Variants in EEPD1 observed in about 807,000 individuals in gnomAD.
EEPD1 encodes the protein endonuclease/exonuclease/phosphatase family domain containing 1.
EEPD1 carries 17 observed loss-of-function variants against 46.3 expected under a neutral mutation model. The observed-to-expected ratio is 0.37, with a 90% CI of 0.25 to 0.55. The LOEUF is 0.55. EEPD1 is among the 20% of genes least tolerant of loss of function. EEPD1 has a pLI of 0.83. For synonymous variants in EEPD1, 313 were observed against 315.6 expected (o/e 0.99, Z 0.09); for missense variants, 673 against 745.6 (o/e 0.90, Z 1.13).
chr7:36,290,190 T>C (rs1302820643), intron 6 of EEPD1, among the ~76,000 whole-genome samples: 1 of 152,160 alleles, frequency 6.6e-6, no homozygotes, highest in Non-Finnish European at 1.5e-5. Context: ...GCTCATAACT[T>C]CTTTGACAGC....
At chr7:36,240,634 A>T (rs1300822085) in intron 3 of EEPD1, among the ~76,000 whole-genome samples, 1 of 152,236 alleles carries the variant, frequency 6.6e-6, no homozygotes, top group Non-Finnish European at 1.5e-5. Flanking sequence ...GCAACATTGG[A>T]TGTGGATAGT....
At chr7:36,201,890 G>C (rs1343386227) in intron 2 of EEPD1, among the ~76,000 whole-genome samples, 1 of 152,172 alleles carries the variant, frequency 6.6e-6, no homozygotes, top group Non-Finnish European at 1.5e-5. Context: ...CTGTCTTTTT[G>C]TGAGTTCTGG....
intron 6 of EEPD1, among the ~76,000 whole-genome samples, chr7:36,293,303 C>G (rs536814285): frequency 6.6e-6 from 1 of 152,066 alleles, no homozygotes; most frequent in African/African-American, 2.4e-5. Context: ...GTTAACAGTT[C>G]GAGGTACCCG....
intron 2 of EEPD1, among the ~76,000 whole-genome samples, chr7:36,167,266 C>G (rs4723486): frequency 0.3 from 46,129 of 151,986 alleles, 7,479 homozygotes; most frequent in African/African-American, 0.43. Flanking sequence ...CTGACAAGAT[C>G]ATTTAAGAAA....
chr7:36,154,105 T>G lies in EEPD1; in HGVS notation c.-192-28T>G. On this transcript the variant is annotated intron_variant, in intron 1 of 7. Transcript: ENST00000242108. This position sits in a 1 kb window ranked among gnomAD's most constrained non-coding sequence, Gnocchi z 4.2. ...AATGCAAATTTCTTAATTCAATGGG[T>G]TTCTATGTTTATTGATTTATTTTCT... 1.7e-6 allele frequency: 1 copy of G among 603,986 alleles called. No homozygotes were observed. The highest frequency in any genetic ancestry group is 2.9e-6 in the Non-Finnish European group (1 of 348,034). The allele number at this position is 603,986 out of a possible 1,614,324, so 37.4% of individuals were successfully genotyped here. A position where few individuals can be genotyped will look rare whatever the true frequency, so the allele number is the denominator to read the frequency against.
At chr7:36,213,718 C>G (rs1334826829) in intron 2 of EEPD1, among the ~76,000 whole-genome samples, 1 of 152,146 alleles carries the variant, frequency 6.6e-6, no homozygotes, top group East Asian at 1.9e-4. Context: ...TTAACTACCC[C>G]TTACCCCATC....
chr7:36,265,127 G>T (rs759634150), intron 3 of EEPD1, among the ~76,000 whole-genome samples: 4 of 152,196 alleles, frequency 2.6e-5, no homozygotes, highest in Non-Finnish European at 4.4e-5. Context: ...ATAGCTGAAG[G>T]CTGGCATCGC....
Position 36,225,102 on chromosome 7 carries a change from C to T in EEPD1, c.879-13883C>T, listed in dbSNP as rs1486740512. Among the ~76,000 whole-genome samples, 1 of 151,946 alleles carries T rather than the reference C, an allele frequency of 6.6e-6. No homozygotes were observed. Among genetic ancestry groups the T allele is most frequent in the Non-Finnish European group, 1.5e-5 (1 of 68,030 alleles). On this transcript the variant is annotated intron_variant, in intron 2 of 7. Transcript: ENST00000242108. This position sits in a 1 kb window ranked among gnomAD's most constrained non-coding sequence, Gnocchi z 4.2. The stretch of plus-strand genomic sequence containing the variant: ...GCCTCCAGAGGGAGTGCGGCCATTC[C>T]GATAGCTTGATTTCAGCCCAGTGAG...
rs80149340 is a variant in EEPD1, at chr7:36,266,112, G to A, written c.931-15003G>A. 4.1e-4 allele frequency among the ~76,000 whole-genome samples: 63 copies of A among 152,176 alleles called. 1 individual carries two copies. Among genetic ancestry groups the A allele is most frequent in the Middle Eastern group, 6.8e-3 (2 of 294 alleles). On this transcript the variant is annotated intron_variant, in intron 3 of 7. Coordinates refer to ENST00000242108, the MANE Select transcript of EEPD1 (RefSeq NM_030636.3). ...TCCGCTCTCACTTGGGGTTTGCCAC[G>A]CTCCCCTTTCCTAGACTCTCACAAA... is the stretch of plus-strand genomic sequence containing the variant.
chr7:36,212,923 C>T (rs1036390635), intron 2 of EEPD1, among the ~76,000 whole-genome samples: 2 of 152,170 alleles, frequency 1.3e-5, no homozygotes, highest in Non-Finnish European at 2.9e-5. Context: ...GAGGCCAAGG[C>T]AGGCAGATCG....
intron 2 of EEPD1, among the ~76,000 whole-genome samples, chr7:36,218,280 C>T (rs1362730839): frequency 6.6e-6 from 1 of 151,988 alleles, no homozygotes; most frequent in Non-Finnish European, 1.5e-5. Flanking sequence ...CTGTTTTTTC[C>T]TATCCATACA....
At chr7:36,267,942 A>G (rs772965537) in intron 3 of EEPD1, among the ~76,000 whole-genome samples, 1 of 152,214 alleles carries the variant, frequency 6.6e-6, no homozygotes, top group Non-Finnish European at 1.5e-5. Flanking sequence ...GGACACAGGA[A>G]GAAGGTGACC....
intron 2 of EEPD1, among the ~76,000 whole-genome samples, chr7:36,208,573 G>T (rs1043091902): frequency 1.3e-5 from 2 of 152,210 alleles, no homozygotes; most frequent in Admixed American, 6.5e-5. Context: ...GTCAGCAGTG[G>T]TGCCTGATGC....
At chr7:36,267,947 G>C (rs557303530) in intron 3 of EEPD1, among the ~76,000 whole-genome samples, 2 of 152,272 alleles carry the variant, frequency 1.3e-5, no homozygotes, top group African/African-American at 4.8e-5. Flanking sequence ...CAGGAAGAAG[G>C]TGACCATCTG....
At chr7:36,261,708 A>G (rs1243139481) in intron 3 of EEPD1, among the ~76,000 whole-genome samples, 4 of 152,232 alleles carry the variant, frequency 2.6e-5, no homozygotes, top group African/African-American at 9.6e-5. Flanking sequence ...TAAGTGCAAT[A>G]GAAGGGCAGG....
intron 2 of EEPD1, among the ~76,000 whole-genome samples, chr7:36,222,477 T>C (rs1370222064): frequency 6.6e-6 from 1 of 152,142 alleles, no homozygotes; most frequent in African/African-American, 2.4e-5. Flanking sequence ...AATTCAAACC[T>C]GTATTGTTCA....
chr7:36,183,212 TATC>T (rs1373046524), intron 2 of EEPD1, among the ~76,000 whole-genome samples: 1 of 152,192 alleles, frequency 6.6e-6, no homozygotes, highest in Non-Finnish European at 1.5e-5. Flanking sequence ...GGCACGCATG[TATC>T]ATCATGTTCT....
At chr7:36,270,762 C>T (rs1431735035) in intron 3 of EEPD1, among the ~76,000 whole-genome samples, 1 of 152,140 alleles carries the variant, frequency 6.6e-6, no homozygotes, top group Non-Finnish European at 1.5e-5. Context: ...CTGCAGTAAA[C>T]ATACATGTGC....
chr7:36,235,554 C>T (rs887600116), intron 2 of EEPD1, among the ~76,000 whole-genome samples: 1 of 152,246 alleles, frequency 6.6e-6, no homozygotes, highest in Non-Finnish European at 1.5e-5. Flanking sequence ...CTTTGGCATA[C>T]AGTACATCAT....
Sources: gnomAD v4.1 joint callset for allele counts (sites outside exome capture counted in the v4.1 genomes callset) on GRCh38, gnomAD v4.1.1 for gene constraint, Gnocchi (gnomAD v3.1) non-coding constraint, MANE v1.5 for transcripts, NCBI Gene and HGNC (gene_info 2026-07-23, HGNC 2026-07-21) for gene names.